GREB1L: variants seen among roughly 807,000 people sequenced by gnomAD.
The protein encoded by GREB1L is GREB1-like protein.
In GREB1L, 17 loss-of-function variants were observed where a neutral mutation model predicts 200.8. The observed-to-expected ratio is 0.08, with a 90% CI of 0.06 to 0.13. The LOEUF (loss-of-function observed/expected upper bound fraction) is 0.13. Ranked by LOEUF, GREB1L falls within the 10% of genes least tolerant of loss-of-function variation. The probability of loss-of-function intolerance (pLI) is 1.00; values close to 1 mark genes in which losing one functional copy is unlikely to be tolerated. For missense variants in GREB1L, 1,657 were observed against 2,367.7 expected (o/e 0.70, Z 6.23); for synonymous variants, 789 against 893.0 (o/e 0.88, Z 2.08).
At chr18:21,348,168 A>C (rs1464073736) in intron 1 of GREB1L, among the ~76,000 whole-genome samples, 1 of 151,610 alleles carries the variant, frequency 6.6e-6, no homozygotes, top group Non-Finnish European at 1.5e-5. Flanking sequence ...GATGGTCTCA[A>C]TCTCCTGACC....
chr18:21,289,547 CA>C (rs911260529), intron 1 of GREB1L, among the ~76,000 whole-genome samples: 1 of 146,996 alleles, frequency 6.8e-6, no homozygotes, highest in African/African-American at 2.6e-5. Flanking sequence ...TCCCCCCCCG[CA>C]AAAAAAAGGC....
chr18:21,443,105 T>C (rs2033993564), intron 10 of GREB1L, among the ~76,000 whole-genome samples: 1 of 152,148 alleles, frequency 6.6e-6, no homozygotes, highest in South Asian at 2.1e-4. Flanking sequence ...GGTTTCATCA[T>C]GTTGGCCAGG....
At chr18:21,293,586 A>G (rs1192154144) in intron 1 of GREB1L, among the ~76,000 whole-genome samples, 8 of 152,160 alleles carry the variant, frequency 5.3e-5, no homozygotes, top group African/African-American at 9.6e-5. Flanking sequence ...TATATTGTGT[A>G]TATTTTCTCT....
chr18:21,448,109 C>T (rs1319543657), intron 11 of GREB1L, among the ~76,000 whole-genome samples: 4 of 151,186 alleles, frequency 2.6e-5, no homozygotes, highest in Admixed American at 1.3e-4. Context: ...TTGCAGTGAG[C>T]CGAGATCGCG....
At chr18:21,519,158 C>T (rs567545325) in intron 31 of GREB1L, among the ~76,000 whole-genome samples, 2 of 152,114 alleles carry the variant, frequency 1.3e-5, no homozygotes, top group South Asian at 4.2e-4. Context: ...GTAGAAGGAA[C>T]CTTAAAAACC....
intron 2 of GREB1L, among the ~76,000 whole-genome samples, chr18:21,368,139 C>G (rs2039743372): frequency 6.6e-6 from 1 of 152,122 alleles, no homozygotes; most frequent in African/African-American, 2.4e-5. Flanking sequence ...TTTACAATAT[C>G]TACTACTTGT....
At chr18:21,285,759 A>G (rs188561983) in intron 1 of GREB1L, among the ~76,000 whole-genome samples, 3 of 152,356 alleles carry the variant, frequency 2.0e-5, no homozygotes, top group East Asian at 1.9e-4. Context: ...CTAACCCTAT[A>G]TAGAATTTAA....
intron 7 of GREB1L, among the ~76,000 whole-genome samples, chr18:21,415,841 A>C (rs1326020307): frequency 6.6e-6 from 1 of 152,202 alleles, no homozygotes; most frequent in East Asian, 1.9e-4. Flanking sequence ...CAAAAGATCA[A>C]ATTGTTTCCA....
chr18:21,323,087 C>G (rs1433427815), intron 1 of GREB1L, among the ~76,000 whole-genome samples: 1 of 152,042 alleles, frequency 6.6e-6, no homozygotes, highest in African/African-American at 2.4e-5. Context: ...GAGTTCAAGA[C>G]CAGCCTGGGC....
intron 25 of GREB1L, among the ~76,000 whole-genome samples, chr18:21,506,358 G>A (rs933807663): frequency 4.0e-5 from 6 of 151,580 alleles, no homozygotes. Flanking sequence ...CCACGCCACT[G>A]CACTCCAGCC....
intron 7 of GREB1L, among the ~76,000 whole-genome samples, chr18:21,436,752 C>T (rs1218355411): frequency 7.0e-6 from 1 of 142,634 alleles, no homozygotes; most frequent in Non-Finnish European, 1.5e-5. Context: ...TCTCTGTCAC[C>T]CAGGCTGGAG....
At chr18:21,292,388 A>C (rs936463912) in intron 1 of GREB1L, among the ~76,000 whole-genome samples, 3 of 152,224 alleles carry the variant, frequency 2.0e-5, no homozygotes, top group African/African-American at 7.2e-5. Flanking sequence ...CATAAAAAAC[A>C]GCCTTTTAAA....
chr18:21,434,499 A>ATATATATATATGTGTGTG (rs1392320151), intron 7 of GREB1L, among the ~76,000 whole-genome samples: 2 of 127,286 alleles, frequency 1.6e-5, no homozygotes, highest in African/African-American at 6.7e-5. Flanking sequence ...ATATATATAT[A>ATATATATATATGTGTGTG]TGTGTGTGTG....
At chr18:21,247,763 A>C (rs1567907072) in intron 1 of GREB1L, among the ~76,000 whole-genome samples, 1 of 152,240 alleles carries the variant, frequency 6.6e-6, no homozygotes, top group Non-Finnish European at 1.5e-5. Context: ...TTATGTTGTC[A>C]AAATTACATA....
At chr18:21,281,379 T>C (rs986599405) in intron 1 of GREB1L, among the ~76,000 whole-genome samples, 1 of 152,234 alleles carries the variant, frequency 6.6e-6, no homozygotes, top group African/African-American at 2.4e-5. Context: ...TTTCATTTAC[T>C]TCTGTCTTTT....
At chr18:21,465,829 A>C (rs563400949) in intron 15 of GREB1L, among the ~76,000 whole-genome samples, 136 of 152,276 alleles carry the variant, frequency 8.9e-4, no homozygotes, top group Non-Finnish European at 1.7e-3. Flanking sequence ...CAATGGAATG[A>C]GCACTCATTA....
At chr18:21,355,225 G>T (rs1457673818) in intron 1 of GREB1L, among the ~76,000 whole-genome samples, 7 of 144,154 alleles carry the variant, frequency 4.9e-5, no homozygotes, top group African/African-American at 1.8e-4. Context: ...ATGGAGGCTT[G>T]CTCTGAAGCC....
chr18:21,426,814 C>G (rs2032619135), intron 7 of GREB1L, among the ~76,000 whole-genome samples: 1 of 151,888 alleles, frequency 6.6e-6, no homozygotes, highest in South Asian at 2.1e-4. Flanking sequence ...AAAAAATTAG[C>G]TGGGCATGGT....
At chr18:21,271,036 C>G (rs767914528) in intron 1 of GREB1L, among the ~76,000 whole-genome samples, 21 of 152,108 alleles carry the variant, frequency 1.4e-4, no homozygotes, top group Admixed American at 2.6e-4. Flanking sequence ...GATTTCAAAG[C>G]CTGAACTATT....
Sources: allele counts gnomAD v4.1 joint callset (sites outside exome capture counted in the v4.1 genomes callset), GRCh38; gene constraint gnomAD v4.1.1; transcripts MANE v1.5; gene names NCBI Gene and HGNC (gene_info 2026-07-23, HGNC 2026-07-21).